Variants in SPATA6L observed in about 807,000 individuals in gnomAD.
The protein encoded by SPATA6L is spermatogenesis associated 6 like.
Under a neutral mutation model 49.2 loss-of-function variants are expected in SPATA6L, and 68 were observed. The ratio of observed to expected loss-of-function variants is 1.38; its 90% CI spans 1.14 to 1.69. SPATA6L has a LOEUF of 1.69. SPATA6L is among the 40% of genes most tolerant of loss of function. The pLI is 0.00. For missense variants in SPATA6L, 668 were observed against 464.3 expected (o/e 1.44, Z -4.03); for synonymous variants, 198 against 165.7 (o/e 1.19, Z -1.50).
At chr9:4,602,399 C>T (rs1823562337) in intron 11 of SPATA6L, among the ~76,000 whole-genome samples, 1 of 152,068 alleles carries the variant, frequency 6.6e-6, no homozygotes, top group African/African-American at 2.4e-5. Flanking sequence ...TAGAAGCCTC[C>T]AGAATGGGCC....
At chr9:4,635,031 T>C (rs1375089859) in intron 4 of SPATA6L, among the ~76,000 whole-genome samples, 1 of 152,238 alleles carries the variant, frequency 6.6e-6, no homozygotes, top group Non-Finnish European at 1.5e-5. Context: ...AGGAGGCTTT[T>C]ATAACTATGT....
intron 3 of SPATA6L, among the ~76,000 whole-genome samples, chr9:4,638,357 A>T (rs950237120): frequency 1.3e-5 from 2 of 151,914 alleles, no homozygotes; most frequent in Non-Finnish European, 2.9e-5. Flanking sequence ...GACTAGAGGC[A>T]CCCCGCCACC....
At chr9:4,645,104 A>G (rs1025096328) in intron 3 of SPATA6L, among the ~76,000 whole-genome samples, 1 of 152,214 alleles carries the variant, frequency 6.6e-6, no homozygotes, top group African/African-American at 2.4e-5. Flanking sequence ...TAATTTTCAC[A>G]TCACTAAATA....
intron 2 of SPATA6L, among the ~76,000 whole-genome samples, chr9:4,656,624 A>G (rs899536373): frequency 1.3e-5 from 2 of 152,240 alleles, no homozygotes; most frequent in Non-Finnish European, 2.9e-5. Context: ...TCAAAAAGTG[A>G]TTATAGAATA....
At chr9:4,646,479 C>T (rs1184574858) in intron 3 of SPATA6L, 18 of 1,512,496 alleles carry the variant, frequency 1.2e-5, no homozygotes, top group Non-Finnish European at 1.4e-5. Flanking sequence ...GATTTACTGC[C>T]ACATTACCTG....
chr9:4,636,002 G>A (rs1336138342), intron 3 of SPATA6L, among the ~76,000 whole-genome samples: 2 of 152,160 alleles, frequency 1.3e-5, no homozygotes, highest in African/African-American at 4.8e-5. Flanking sequence ...CTAATATTCT[G>A]CAAACATTCT....
At chr9:4,657,922 T>C (rs923791901) in intron 2 of SPATA6L, among the ~76,000 whole-genome samples, 16 of 152,170 alleles carry the variant, frequency 1.1e-4, no homozygotes, top group Admixed American at 9.8e-4. Flanking sequence ...TTTAAAGCAC[T>C]GGAGCCGCCC....
intron 3 of SPATA6L, among the ~76,000 whole-genome samples, chr9:4,639,187 C>A (rs986113598): frequency 1.3e-5 from 2 of 152,208 alleles, no homozygotes; most frequent in African/African-American, 4.8e-5. Context: ...ACCAGCCCAG[C>A]AGCGGCCCCA....
At chr9:4,602,379 C>T (rs1416182481) in intron 11 of SPATA6L, among the ~76,000 whole-genome samples, 4 of 152,174 alleles carry the variant, frequency 2.6e-5, no homozygotes, top group East Asian at 1.9e-4. Context: ...GCAAGCAGAA[C>T]GTTCTAAGGT....
intron 3 of SPATA6L, among the ~76,000 whole-genome samples, chr9:4,652,867 G>C (rs903469370): frequency 7.0e-6 from 1 of 143,638 alleles, no homozygotes. Flanking sequence ...AAAGGAAAAA[G>C]AAATGTAAAA....
intron 3 of SPATA6L, 42 bp from the exon 4 acceptor site, chr9:4,635,441 C>A (rs750784206): frequency 9.7e-6 from 15 of 1,550,340 alleles, no homozygotes; most frequent in East Asian, 2.5e-5. Context: ...TGTATTTACA[C>A]CTCCAGGCTT....
intron 6 of SPATA6L, among the ~76,000 whole-genome samples, chr9:4,624,509 T>G (rs540693606): frequency 1.3e-5 from 2 of 152,180 alleles, no homozygotes; most frequent in South Asian, 4.1e-4. Flanking sequence ...GGGTGGATCA[T>G]CTGAGGTCAG....
chr9:4,657,896 T>C (rs953582931), intron 2 of SPATA6L, among the ~76,000 whole-genome samples: 8 of 152,154 alleles, frequency 5.3e-5, no homozygotes, highest in Non-Finnish European at 8.8e-5. Flanking sequence ...TGGGCTTCAG[T>C]TTGCTTACCT....
At chr9:4,605,103 C>T (rs3739640) in intron 10 of SPATA6L, among the ~76,000 whole-genome samples, 1 of 151,984 alleles carries the variant, frequency 6.6e-6, no homozygotes, top group Non-Finnish European at 1.5e-5. Flanking sequence ...AAATTAGCTG[C>T]TACTCCTCCG....
At chr9:4,661,757 C>CGGTTTTGCTTCAAGGCCGACTGA in intron 2 of SPATA6L, 142 bp downstream of exon 2, 1 of 1,096,998 alleles carries the variant, frequency 9.1e-7, no homozygotes. Context: ...GTTCCGACTG[C>CGGTTTTGCTTCAAGGCCGACTGA]GGTTTTGCAT....
At chr9:4,609,222 G>T (rs1291671352) in intron 9 of SPATA6L, among the ~76,000 whole-genome samples, 1 of 151,300 alleles carries the variant, frequency 6.6e-6, no homozygotes, top group African/African-American at 2.4e-5. Flanking sequence ...GAGGTACAAG[G>T]AGGAACTGGT....
intron 3 of SPATA6L, among the ~76,000 whole-genome samples, chr9:4,642,915 G>T (rs1321226052): frequency 6.6e-6 from 1 of 152,046 alleles, no homozygotes; most frequent in Non-Finnish European, 1.5e-5. Flanking sequence ...ATCATAATAT[G>T]GGAAAATGAA....
chr9:4,625,323 T>C lies in SPATA6L; in HGVS notation c.669+4A>G. 3.1e-6 allele frequency: 5 copies of C among 1,610,584 alleles called. No homozygotes were observed. Among genetic ancestry groups the C allele is most frequent in the Non-Finnish European group, 4.2e-6 (5 of 1,178,426 alleles). On this transcript the variant is annotated splice_donor_region_variant and intron_variant, in intron 6 of 11. Coordinates refer to ENST00000682582, the MANE Select transcript of SPATA6L (RefSeq NM_001353486.2). ...AATGCTCTAAAAAATAATTTTAGGCTCACGTGTCTAACAACAAATGGAGGC... is the reference window on the plus strand; with the variant it reads ...AATGCTCTAAAAAATAATTTTAGGCCCACGTGTCTAACAACAAATGGAGGC...
In SPATA6L at chr9:4,622,181, C is replaced by T. The variant is rs80112673; in HGVS notation, c.772+227G>A. Among the ~76,000 whole-genome samples, 1,208 of 152,338 alleles carry T rather than the reference C, an allele frequency of 7.9e-3. 17 individuals carry two copies. The highest frequency in any genetic ancestry group is 0.028 in the African/African-American group (1,170 of 41,578). On this transcript the variant is annotated intron_variant, in intron 7 of 11. Coordinates refer to ENST00000682582, the MANE Select transcript of SPATA6L (RefSeq NM_001353486.2). ...TGCAACCACAGCACACTCAGCACGC[C>T]GCTCAGAACGGTCCCCTTCAACGGC... is the stretch of plus-strand genomic sequence containing the variant.
Sources: allele counts gnomAD v4.1 joint callset (sites outside exome capture counted in the v4.1 genomes callset), GRCh38; gene constraint gnomAD v4.1.1; transcripts MANE v1.5; gene names NCBI Gene and HGNC (gene_info 2026-07-23, HGNC 2026-07-21).